Variants in CHST8 observed in about 807,000 individuals in gnomAD.
CHST8 encodes the protein GALNAC-4-ST1.
In CHST8, 10 loss-of-function variants were observed where a neutral mutation model predicts 15.0. The observed-to-expected ratio is 0.67, with a 90% CI of 0.41 to 1.13. CHST8 has a LOEUF of 1.13. Ranked by LOEUF, CHST8 falls within the 50% of genes most tolerant of loss-of-function variation. The probability of loss-of-function intolerance (pLI) is 0.00; values close to 1 mark genes in which losing one functional copy is unlikely to be tolerated. For missense variants in CHST8, 634 were observed against 608.2 expected, an observed-to-expected ratio of 1.04 and a Z score of -0.45; for synonymous variants, 259 against 256.6, an observed-to-expected ratio of 1.01 and a Z score of -0.09.
intron 1 of CHST8, among the ~76,000 whole-genome samples, chr19:33,657,250 T>C (rs1273135109): frequency 1.3e-5 from 2 of 150,650 alleles, no homozygotes; most frequent in Non-Finnish European, 2.9e-5. Flanking sequence ...CATATATATA[T>C]ACACACATAC....
chr19:33,703,334 G>A (rs1423937033), intron 3 of CHST8, among the ~76,000 whole-genome samples: 2 of 152,186 alleles, frequency 1.3e-5, no homozygotes, highest in South Asian at 2.1e-4. Context: ...TGATGTCCTC[G>A]AGCCCCTGTT....
intron 3 of CHST8, among the ~76,000 whole-genome samples, chr19:33,720,117 GGAA>G (rs1973755891): frequency 6.6e-6 from 1 of 152,098 alleles, no homozygotes; most frequent in Non-Finnish European, 1.5e-5. Context: ...AAACTCCCAC[GGAA>G]GAAGGGCATG....
intron 1 of CHST8, among the ~76,000 whole-genome samples, chr19:33,659,358 A>T (rs1043182440): frequency 6.6e-6 from 1 of 151,886 alleles, no homozygotes; most frequent in Non-Finnish European, 1.5e-5. Flanking sequence ...AGCCACCCCA[A>T]CCAGCCAGGT....
intron 1 of CHST8, among the ~76,000 whole-genome samples, chr19:33,655,339 C>T (rs1462260170): frequency 6.6e-6 from 1 of 152,168 alleles, no homozygotes; most frequent in Non-Finnish European, 1.5e-5. Flanking sequence ...GCCCAGCCTT[C>T]CATGTCCTTT....
chr19:33,702,747 G>T (rs1232720247), intron 3 of CHST8, among the ~76,000 whole-genome samples: 1 of 152,210 alleles, frequency 6.6e-6, no homozygotes, highest in Non-Finnish European at 1.5e-5. Flanking sequence ...AGCCCAGAGG[G>T]CCCAGAGCAG....
chr19:33,711,070 C>T (rs1176776317), intron 3 of CHST8, among the ~76,000 whole-genome samples: 1 of 152,062 alleles, frequency 6.6e-6, no homozygotes, highest in African/African-American at 2.4e-5. Flanking sequence ...AGGCATCTCA[C>T]TATATTATCT....
chr19:33,646,601 A>G (rs1356770893), intron 1 of CHST8, among the ~76,000 whole-genome samples: 2 of 152,170 alleles, frequency 1.3e-5, no homozygotes, highest in Admixed American at 6.5e-5. Flanking sequence ...GGAAGGGACT[A>G]TTGTCATCTT....
intron 3 of CHST8, among the ~76,000 whole-genome samples, chr19:33,769,408 G>T (rs1974919802): frequency 6.6e-6 from 1 of 152,212 alleles, no homozygotes; most frequent in South Asian, 2.1e-4. Context: ...AGACTCTGAG[G>T]AGGAGAGGTG....
At chr19:33,724,385 C>T (rs1237619798) in intron 3 of CHST8, among the ~76,000 whole-genome samples, 1 of 152,210 alleles carries the variant, frequency 6.6e-6, no homozygotes, top group East Asian at 1.9e-4. Flanking sequence ...TCACCTTCCC[C>T]AGTGTTCCCT....
chr19:33,727,277 G>C (rs528583791), intron 3 of CHST8, among the ~76,000 whole-genome samples: 17 of 152,220 alleles, frequency 1.1e-4, no homozygotes, highest in African/African-American at 3.6e-4. Flanking sequence ...GGCTTAGGAC[G>C]GACAGGCAGC....
rs375587778 is a variant in CHST8 at position 33,664,827 on chromosome 19, G to A, written c.-163-2940G>A. 3.3e-5 allele frequency among the ~76,000 whole-genome samples: 5 copies of A among 151,834 alleles called. No individual in the cohort carries two copies. The South Asian group carries it at 6.3e-4, about 19-fold the overall frequency. ...TGAGATCCAATTTTCTGGTTCCCAC[G>A]TATGAGTGAGAACATAATGATATTT... On this transcript the variant is annotated intron_variant, in intron 1 of 4. Transcript: ENST00000650847.
At chr19:33,743,920 T>C (rs1040189585) in intron 3 of CHST8, among the ~76,000 whole-genome samples, 2 of 152,104 alleles carry the variant, frequency 1.3e-5, no homozygotes, top group Admixed American at 1.3e-4. Flanking sequence ...GCCTCCCAAG[T>C]AGCTGGGATT....
chr19:33,719,555 G>A (rs1051212566), intron 3 of CHST8, among the ~76,000 whole-genome samples: 1 of 152,026 alleles, frequency 6.6e-6, no homozygotes, highest in Non-Finnish European at 1.5e-5. Context: ...GAGGTGGCAG[G>A]CGCTGAGAGA....
intron 1 of CHST8, among the ~76,000 whole-genome samples, chr19:33,649,640 T>C (rs1301818371): frequency 6.6e-6 from 1 of 152,192 alleles, no homozygotes; most frequent in African/African-American, 2.4e-5. Context: ...TTGTTTACCT[T>C]AGGTAGCAGA....
intron 3 of CHST8, among the ~76,000 whole-genome samples, chr19:33,734,222 C>A (rs1436588672): frequency 6.6e-6 from 1 of 152,090 alleles, no homozygotes; most frequent in Non-Finnish European, 1.5e-5. Flanking sequence ...CTCCCACCAG[C>A]GCCATGACAG....
rs376386370 is a variant in CHST8, at chr19:33,648,902, C to CTTTTTTTTTTT, written c.-163-18856_-163-18846dup. 1.2e-4 allele frequency among the ~76,000 whole-genome samples: 12 copies of CTTTTTTTTTTT among 99,970 alleles called. 1 individual carries two copies. Among genetic ancestry groups the CTTTTTTTTTTT allele is most frequent in the African/African-American group, 3.6e-4 (9 of 24,844 alleles). The allele number at this position is 99,970 out of a possible 152,430, so 65.6% of individuals were successfully genotyped here. A position where few individuals can be genotyped will look rare whatever the true frequency, so the allele number is the denominator to read the frequency against. On this transcript the variant is annotated intron_variant, in intron 1 of 4. Coordinates refer to ENST00000650847, the MANE Select transcript of CHST8 (RefSeq NM_001127895.2). ...TTCAGGCGTAAAAAGGAATGAAGCA[C>CTTTTTTTTTTT]TTTTTTTTTTTTTTTTTTTGAGTTG... is the stretch of plus-strand genomic sequence containing the variant.
rs149663537 is a variant in CHST8 at position 33,771,981 on chromosome 19, G to T, written c.193G>T (p.Asp65Tyr). ...GGACCTCCCACCAGGCGGCTCCCAG[G>T]ATGGTGACTTGAAGGAACCCACAGA... Reference protein sequence around the residue: ...HHDLPPGGSQDGDLKEPTERV... With the variant: ...HHDLPPGGSQYGDLKEPTERV... Residue 65 changes from aspartate (D) to tyrosine (Y), a missense_variant, in exon 5 of 5, where the codon GAT becomes TAT. Asp to Tyr is a radical substitution (Grantham distance 160, BLOSUM62 -3). Coordinates refer to ENST00000650847, the MANE Select transcript of CHST8 (RefSeq NM_001127895.2). The T allele has an allele frequency of 3.4e-5, 53 of 1,579,192 alleles. No individual in the cohort carries two copies. The highest frequency in any genetic ancestry group is 4.5e-5 in the Non-Finnish European group (52 of 1,165,854).
chr19:33,714,417 T>A (rs1463205101), intron 3 of CHST8, among the ~76,000 whole-genome samples: 1 of 152,200 alleles, frequency 6.6e-6, no homozygotes, highest in African/African-American at 2.4e-5. Context: ...AAATACCACA[T>A]GTTCTCAGTA....
At chr19:33,664,860 T>C (rs1002950057) in intron 1 of CHST8, among the ~76,000 whole-genome samples, 3 of 152,236 alleles carry the variant, frequency 2.0e-5, no homozygotes, top group African/African-American at 7.2e-5. Context: ...TTTATCTTTC[T>C]ATGCTTGGCT....
Sources: gnomAD v4.1 joint callset for allele counts (sites outside exome capture counted in the v4.1 genomes callset) on GRCh38, gnomAD v4.1.1 for gene constraint, MANE v1.5 for transcripts, NCBI Gene and HGNC (gene_info 2026-07-23, HGNC 2026-07-21) for gene names.